EPM2A: variants seen among roughly 807,000 people sequenced by gnomAD.
The protein encoded by EPM2A is laforin.
A neutral mutation model predicts 26.5 loss-of-function variants in EPM2A; 21 were observed. That is an observed-to-expected ratio of 0.79 (90% CI 0.56 to 1.14). The LOEUF (loss-of-function observed/expected upper bound fraction) is 1.14. EPM2A is among the 50% of genes most tolerant of loss of function. The probability of loss-of-function intolerance (pLI) is 0.00; values close to 1 mark genes in which losing one functional copy is unlikely to be tolerated. For missense variants in EPM2A, 458 were observed against 440.8 expected (o/e 1.04, Z -0.35); for synonymous variants, 217 against 177.6 (o/e 1.22, Z -1.76).
intron 1 of EPM2A, among the ~76,000 whole-genome samples, chr6:145,690,622 T>A: frequency 7.1e-6 from 1 of 140,418 alleles, no homozygotes; most frequent in Admixed American, 7.0e-5. Flanking sequence ...ACCACTAAGA[T>A]CTCAAACTAA....
chr6:145,447,726 C>T (rs1241833330), intron 4 of EPM2A, among the ~76,000 whole-genome samples: 1 of 152,060 alleles, frequency 6.6e-6, no homozygotes, highest in Non-Finnish European at 1.5e-5. Context: ...TCATAAACTT[C>T]ATTTTAAAGC....
intron 1 of EPM2A, chr6:145,720,869 A>G (rs1775913359): frequency 6.6e-6 from 1 of 152,212 alleles, no homozygotes; most frequent in African/African-American, 2.4e-5. Context: ...CAATAATTTT[A>G]TAATAACCTG....
intron 2 of EPM2A, among the ~76,000 whole-genome samples, chr6:145,609,971 C>T (rs952363803): frequency 1.3e-5 from 2 of 152,150 alleles, no homozygotes; most frequent in Non-Finnish European, 2.9e-5. Flanking sequence ...AATCCCAGCA[C>T]TTTGGGAGGC....
chr6:145,595,848 C>T (rs1781335674), intron 2 of EPM2A, among the ~76,000 whole-genome samples: 1 of 151,918 alleles, frequency 6.6e-6, no homozygotes. Context: ...AATGTCTTGG[C>T]TAGCATTTTC....
At chr6:145,661,384 A>G (rs1277592559) in intron 2 of EPM2A, among the ~76,000 whole-genome samples, 1 of 152,204 alleles carries the variant, frequency 6.6e-6, no homozygotes, top group Non-Finnish European at 1.5e-5. Context: ...TGCCTCAGCT[A>G]TTATTAATTC....
At chr6:145,475,604 A>C (rs1779532603) in intron 4 of EPM2A, among the ~76,000 whole-genome samples, 1 of 152,042 alleles carries the variant, frequency 6.6e-6, no homozygotes, top group African/African-American at 2.4e-5. Flanking sequence ...CCAGAACTTA[A>C]AGTATCATTA....
chr6:145,509,430 A>G (rs1780023019), intron 2 of EPM2A, among the ~76,000 whole-genome samples: 1 of 152,180 alleles, frequency 6.6e-6, no homozygotes, highest in Non-Finnish European at 1.5e-5. Context: ...TTGGGGGCCC[A>G]TTTTTAGCAT....
chr6:145,718,413 C>A (rs1004489061), intron 1 of EPM2A, among the ~76,000 whole-genome samples: 4 of 150,678 alleles, frequency 2.7e-5, no homozygotes, highest in Non-Finnish European at 5.9e-5. Context: ...ACTGGCTAGC[C>A]ATATGTAGAA....
chr6:145,705,390 T>A (rs1303046532), intron 1 of EPM2A: 1 of 350,778 alleles, frequency 2.9e-6, no homozygotes, highest in African/African-American at 2.1e-5. Flanking sequence ...TGCACACACA[T>A]ACACACACAC....
intron 2 of EPM2A, among the ~76,000 whole-genome samples, chr6:145,561,056 T>C (rs1385427214): frequency 6.6e-6 from 1 of 152,084 alleles, no homozygotes; most frequent in Non-Finnish European, 1.5e-5. Context: ...TATACTGTAG[T>C]ATATGTTTCC....
At chr6:145,689,348 G>A (rs1400379910) in intron 1 of EPM2A, among the ~76,000 whole-genome samples, 1 of 152,094 alleles carries the variant, frequency 6.6e-6, no homozygotes, top group Non-Finnish European at 1.5e-5. Flanking sequence ...GAGAACTATG[G>A]AATAAATGTA....
chr6:145,626,049 C>T lies in EPM2A; in HGVS notation c.*1367G>A. On this transcript the variant is annotated 3_prime_UTR_variant, in exon 4 of 4. Transcript: ENST00000367519. ...CATCTTTATCATGGAGATAATGAGA[C>T]CTTCTTCATTGGATATTGTGAAGAT... 1.8e-6 allele frequency: 2 copies of T among 1,133,816 alleles called. No individual in the cohort carries two copies. Among genetic ancestry groups the T allele is most frequent in the Non-Finnish European group, 2.2e-6 (2 of 898,574 alleles). The allele number at this position is 1,133,816 out of a possible 1,614,324, so 70.2% of individuals were successfully genotyped here.
At chr6:145,469,369 T>C (rs887588177) in intron 4 of EPM2A, among the ~76,000 whole-genome samples, 5 of 151,966 alleles carry the variant, frequency 3.3e-5, no homozygotes, top group Non-Finnish European at 7.4e-5. Flanking sequence ...AGCTAAACCA[T>C]ATCAACATTT....
chr6:145,714,905 C>A (rs189242924), intron 1 of EPM2A, among the ~76,000 whole-genome samples: 1 of 152,296 alleles, frequency 6.6e-6, no homozygotes, highest in Non-Finnish European at 1.5e-5. Flanking sequence ...CACAGCCAAA[C>A]CACATCAACA....
intron 2 of EPM2A, among the ~76,000 whole-genome samples, chr6:145,605,010 A>C (rs1775199367): frequency 6.6e-6 from 1 of 152,208 alleles, no homozygotes; most frequent in Admixed American, 6.5e-5. Flanking sequence ...CCCTGCCTAG[A>C]CTGCCAACAT....
At chr6:145,449,250 G>A (rs75052448) in intron 4 of EPM2A, among the ~76,000 whole-genome samples, 5,006 of 152,250 alleles carry the variant, frequency 0.033, 161 homozygotes, top group Admixed American at 0.1. Context: ...AAGGTTTCAG[G>A]TGGTGAAGGT....
Position 145,590,261 on chromosome 6 carries a change from A to C in EPM2A, c.340+44984T>G, listed in dbSNP as rs182124792. 3.8e-3 allele frequency among the ~76,000 whole-genome samples: 580 copies of C among 151,898 alleles called. 3 individuals carry two copies. The highest frequency in any genetic ancestry group is 6.8e-3 in the Middle Eastern group (2 of 294). Reference sequence around the variant, plus strand: ...TTCTCATGGTCAAGAGCCAAGAGAAACTCCCCTCACAATTCTGTCAGGGGA... The same window carrying C: ...TTCTCATGGTCAAGAGCCAAGAGAACCTCCCCTCACAATTCTGTCAGGGGA... On this transcript the variant is annotated intron_variant, in intron 2 of 3. Coordinates refer to the EPM2A transcript ENST00000450221.
At position 145,734,451 on chromosome 6, in the gene EPM2A, ATTTC is replaced by A. The variant is rs984895112; in HGVS notation, c.301+743_301+746del. On this transcript the variant is annotated intron_variant, in intron 1 of 3. Transcript: ENST00000367519. ...AACACTGTAAGTTTTCACTATGTAC[ATTTC>A]TTTATTATTATTTTACAACCAGCAT... 5.9e-5 allele frequency: 9 copies of A among 152,190 alleles called. No homozygotes were observed. The South Asian group carries it at 6.2e-4, about 11-fold the overall frequency. 9.4% of individuals were successfully genotyped at this position (152,190 alleles called of 1,614,324 possible). A position where few individuals can be genotyped will look rare whatever the true frequency, so the allele number is the denominator to read the frequency against.
intron 1 of EPM2A, among the ~76,000 whole-genome samples, chr6:145,725,344 T>C (rs768583189): frequency 6.6e-6 from 1 of 152,044 alleles, no homozygotes; most frequent in African/African-American, 2.4e-5. Context: ...CCAGTGGAAA[T>C]GAAAAATACT....
Sources: allele counts gnomAD v4.1 joint callset (sites outside exome capture counted in the v4.1 genomes callset), GRCh38; gene constraint gnomAD v4.1.1; transcripts MANE v1.5; gene names NCBI Gene and HGNC (gene_info 2026-07-23, HGNC 2026-07-21).